TCN2: variants seen among roughly 807,000 people sequenced by gnomAD.
TCN2 encodes transcobalamin-2.
In TCN2, 34 loss-of-function variants were observed where a neutral mutation model predicts 48.6. That is an observed-to-expected ratio of 0.70 (90% confidence interval 0.53 to 0.93). The LOEUF (loss-of-function observed/expected upper bound fraction) is 0.93. Among genes scored for constraint, TCN2 ranks in the 40% least tolerant of loss-of-function variants. The pLI is 0.00. For missense variants in TCN2, 652 were observed against 526.1 expected (o/e 1.24, Z -2.34); for synonymous variants, 283 against 212.5 (o/e 1.33, Z -2.89).
chr22:30,621,400 T>C (rs1221298221), intron 7 of TCN2, among the ~76,000 whole-genome samples: 1 of 152,164 alleles, frequency 6.6e-6, no homozygotes, highest in Non-Finnish European at 1.5e-5. Context: ...TTCACATCAC[T>C]TCCCTGTTAC....
At chr22:30,614,793 C>T (rs1435246207) in intron 4 of TCN2, among the ~76,000 whole-genome samples, 1 of 152,118 alleles carries the variant, frequency 6.6e-6, no homozygotes, top group Non-Finnish European at 1.5e-5. Flanking sequence ...CCTGTAGTCC[C>T]AGCTACTCGG....
intron 8 of TCN2, among the ~76,000 whole-genome samples, chr22:30,626,026 G>C (rs1178453763): frequency 6.6e-6 from 1 of 152,184 alleles, no homozygotes; most frequent in Non-Finnish European, 1.5e-5. Context: ...CTCACTCAGA[G>C]GTTAAATAAC....
At chr22:30,624,153 C>T (rs953071917) in intron 8 of TCN2, among the ~76,000 whole-genome samples, 1 of 150,138 alleles carries the variant, frequency 6.7e-6, no homozygotes, top group African/African-American at 2.5e-5. Flanking sequence ...CAGCTCACTG[C>T]AGCCTCTGCC....
intron 2 of TCN2, among the ~76,000 whole-genome samples, chr22:30,611,763 T>C (rs1382761468): frequency 1.3e-5 from 2 of 152,174 alleles, no homozygotes; most frequent in African/African-American, 2.4e-5. Context: ...CTGTCTTGGC[T>C]TCCCAAAGTG....
At chr22:30,620,865 G>A (rs1167084286) in intron 7 of TCN2, among the ~76,000 whole-genome samples, 2 of 152,208 alleles carry the variant, frequency 1.3e-5, no homozygotes, top group East Asian at 3.8e-4. Flanking sequence ...CAGATAGACA[G>A]ATGTGGAGAG....
At chr22:30,613,730 C>T (rs1200194311) in intron 3 of TCN2, among the ~76,000 whole-genome samples, 1 of 152,188 alleles carries the variant, frequency 6.6e-6, no homozygotes, top group Non-Finnish European at 1.5e-5. Flanking sequence ...CCAGAGCCAG[C>T]CTTTTCAATA....
chr22:30,612,264 T>C lies in TCN2; in HGVS notation c.258-609T>C, dbSNP rs1045195446. 6.9e-5 allele frequency among the ~76,000 whole-genome samples: 10 copies of C among 145,310 alleles called. No homozygotes were observed. In the South Asian group the frequency reaches 1.8e-3, roughly 26 times the overall value. On this transcript the variant is annotated intron_variant, in intron 2 of 8. Coordinates refer to ENST00000215838, the MANE Select transcript of TCN2 (RefSeq NM_000355.4). ...TCTCAGTAAAAAAAAAAAATAAAAA[T>C]ATGGCTGGGTGTGGTGGCTCACGCC...
chr22:30,618,514 G>A (rs1335031571), intron 7 of TCN2, among the ~76,000 whole-genome samples: 1 of 152,120 alleles, frequency 6.6e-6, no homozygotes, highest in Non-Finnish European at 1.5e-5. Flanking sequence ...ACCATGCCCA[G>A]CTAATTTTTG....
Position 30,615,409 on chromosome 22 carries a change from TC to T in TCN2, c.690del (p.Leu231Ter). On this transcript the variant is annotated frameshift_variant, in exon 5 of 9. Coordinates refer to ENST00000215838, the MANE Select transcript of TCN2 (RefSeq NM_000355.4). LOFTEE classifies it high-confidence loss of function. ...GCCATCAGAACAGTGCGAGAGGAGA[TC>T]TTGAAGGCCCAGACCCCCGAGGGCC... The part of the protein sequence containing the change: ...TMAIRTVREE[I>X]LKAQTPEGHF... 1 of 1,614,048 alleles carries T rather than the reference TC, an allele frequency of 6.2e-7. No individual in the cohort carries two copies. The highest frequency in any genetic ancestry group is 8.5e-7 in the Non-Finnish European group (1 of 1,180,008).
Position 30,615,471 on chromosome 22 carries a change from C to T in TCN2, c.751C>T (p.Gln251Ter). 1 of 1,614,126 alleles carries T rather than the reference C, an allele frequency of 6.2e-7. No individual in the cohort carries two copies. The highest frequency in any genetic ancestry group is 8.5e-7 in the Non-Finnish European group (1 of 1,180,036). ...GNVYSTPLALQFLMTSPMRGA... is the reference protein window; with the variant it reads ...GNVYSTPLAL Reference sequence around the variant, plus strand: ...TGTCTACAGCACCCCATTGGCATTACAGGTGGGAAAGAGACCCTGGAGCCA... The same window carrying T: ...TGTCTACAGCACCCCATTGGCATTATAGGTGGGAAAGAGACCCTGGAGCCA... Residue 251 changes from glutamine to a stop codon, truncating the protein, a stop_gained and splice_region_variant, in exon 5 of 9, where the codon CAG becomes TAG. Transcript: ENST00000215838. LOFTEE classifies it high-confidence loss of function.
chr22:30,609,504 A>G (rs150186999), intron 1 of TCN2, among the ~76,000 whole-genome samples: 158 of 152,054 alleles, frequency 1.0e-3, no homozygotes, highest in African/African-American at 3.6e-3. Context: ...GTGCTGACTC[A>G]TCGTGCTGGA....
intron 3 of TCN2, 73 bp from the exon 4 acceptor site, chr22:30,614,276 G>C: frequency 6.3e-7 from 1 of 1,586,752 alleles, no homozygotes. Context: ...TGCAGGCCAG[G>C]GTCCCAGGTG....
intron 3 of TCN2, 63 bp downstream of exon 3, chr22:30,613,105 C>G: frequency 1.3e-6 from 2 of 1,587,900 alleles, no homozygotes; most frequent in East Asian, 2.3e-5. Context: ...ATGATATTCT[C>G]CAATGAGAAT....
chr22:30,626,869 C>G lies in TCN2; in HGVS notation c.*348C>G. The G allele has an allele frequency of 2.5e-6, 1 of 401,914 alleles. No homozygotes were observed. The highest frequency in any genetic ancestry group is 4.7e-6 in the Non-Finnish European group (1 of 211,900). 24.9% of individuals were successfully genotyped at this position (401,914 alleles called of 1,614,324 possible). ...CAGGCCGCAGGTGTTGTGAAGACCA[C>G]TCGTTCTGTGGTTGGGGTCCTGCAA... On this transcript the variant is annotated 3_prime_UTR_variant, in exon 9 of 9. Coordinates refer to ENST00000215838, the MANE Select transcript of TCN2 (RefSeq NM_000355.4).
chr22:30,626,327 TCCAGCTTC>T, intron 8 of TCN2, 125 bp from the exon 9 acceptor site: 1 of 935,834 alleles, frequency 1.1e-6, no homozygotes, highest in Non-Finnish European at 1.7e-6. Flanking sequence ...TTAGGGAGGT[TCCAGCTTC>T]CCACCACCAA....
chr22:30,614,217 G>A (rs940509496), intron 3 of TCN2, 132 bp from the exon 4 acceptor site: 19 of 1,212,224 alleles, frequency 1.6e-5, no homozygotes, highest in Admixed American at 6.1e-5. Context: ...ATGGGCTGAG[G>A]CAATGAAGGA....
Position 30,614,480 on chromosome 22 carries a change from C to T in TCN2, c.559C>T (p.His187Tyr), listed in dbSNP as rs1295178933. 34 of 1,614,064 alleles carry T rather than the reference C, an allele frequency of 2.1e-5. No individual in the cohort carries two copies. The East Asian group carries it at 6.2e-4, about 30-fold the overall frequency. Reference sequence around the variant, plus strand: ...ACTTCTGTATGCTGTGGAACCTTTCCACCAGGGCCACCATTCTGTGGGTGA... The same window carrying T: ...ACTTCTGTATGCTGTGGAACCTTTCTACCAGGGCCACCATTCTGTGGGTGA... ...DKLLYAVEPFHQGHHSVDTAA... is the reference protein window; with the variant it reads ...DKLLYAVEPFYQGHHSVDTAA... The change falls in exon 4 of 9, where the codon CAC (histidine) becomes TAC (tyrosine). Residue 187 changes from histidine to tyrosine, a missense_variant. By Grantham distance (83) the His-to-Tyr change is moderately conservative. Transcript: ENST00000215838.
chr22:30,622,376 A>AG (rs1404123408), intron 7 of TCN2, among the ~76,000 whole-genome samples: 2 of 152,206 alleles, frequency 1.3e-5, no homozygotes, highest in South Asian at 2.1e-4. Flanking sequence ...AGCTCAGGGA[A>AG]GGGGGAGTGT....
chr22:30,625,278 T>C (rs1291327781), intron 8 of TCN2, among the ~76,000 whole-genome samples: 1 of 152,136 alleles, frequency 6.6e-6, no homozygotes, highest in Admixed American at 6.6e-5. Flanking sequence ...GGGTGGGCAG[T>C]CCCAGATCAG....
Sources: allele counts gnomAD v4.1 joint callset (sites outside exome capture counted in the v4.1 genomes callset), GRCh38; gene constraint gnomAD v4.1.1; transcripts MANE v1.5; gene names NCBI Gene and HGNC (gene_info 2026-07-23, HGNC 2026-07-21).